MSRA: variants seen among roughly 807,000 people sequenced by gnomAD.
The protein encoded by MSRA is mitochondrial peptide methionine sulfoxide reductase.
Under a neutral mutation model 31.3 loss-of-function variants are expected in MSRA, and 54 were observed. The ratio of observed to expected loss-of-function variants is 1.73; its 90% CI spans 1.39 to 2.17. MSRA has a LOEUF of 2.17. Ranked by LOEUF, MSRA falls within the 30% of genes most tolerant of loss-of-function variation. The probability of loss-of-function intolerance (pLI) is 0.00; values close to 1 mark genes in which losing one functional copy is unlikely to be tolerated. For synonymous variants in MSRA, 169 were observed against 116.5 expected (o/e 1.45, Z -2.90); for missense variants, 507 against 300.9 (o/e 1.69, Z -5.07).
intron 5 of MSRA, among the ~76,000 whole-genome samples, chr8:10,380,945 A>G (rs1806032206): frequency 6.6e-6 from 1 of 151,590 alleles, no homozygotes; most frequent in Admixed American, 6.6e-5. Flanking sequence ...GGTGGGAGGG[A>G]GGCATGGATA....
intron 1 of MSRA, among the ~76,000 whole-genome samples, chr8:10,088,965 G>T (rs1414593128): frequency 6.6e-6 from 1 of 152,156 alleles, no homozygotes; most frequent in Non-Finnish European, 1.5e-5. Context: ...AGAGAATAAA[G>T]CAGTGGTTTC....
intron 1 of MSRA, among the ~76,000 whole-genome samples, chr8:10,173,988 T>C (rs1805824571): frequency 6.6e-6 from 1 of 152,112 alleles, no homozygotes; most frequent in Non-Finnish European, 1.5e-5. Context: ...TGGGCAGATT[T>C]CTAAGACAAG....
chr8:10,184,916 G>C (rs1806885675), intron 1 of MSRA, among the ~76,000 whole-genome samples: 1 of 152,204 alleles, frequency 6.6e-6, no homozygotes, highest in African/African-American at 2.4e-5. Flanking sequence ...AAGAAATCAA[G>C]GGTGAACAAA....
At chr8:10,386,584 C>T (rs529203906) in intron 5 of MSRA, among the ~76,000 whole-genome samples, 3 of 152,246 alleles carry the variant, frequency 2.0e-5, no homozygotes, top group African/African-American at 4.8e-5. Flanking sequence ...TTGCAAGCGC[C>T]GTCAGAGCTT....
chr8:10,374,634 C>T (rs777099100), intron 5 of MSRA, among the ~76,000 whole-genome samples: 13 of 152,344 alleles, frequency 8.5e-5, no homozygotes, highest in Admixed American at 2.6e-4. Flanking sequence ...CAGGTCTTTG[C>T]TATGAACCAT....
At chr8:10,386,212 G>C (rs1016445299) in intron 5 of MSRA, among the ~76,000 whole-genome samples, 1 of 152,138 alleles carries the variant, frequency 6.6e-6, no homozygotes, top group Non-Finnish European at 1.5e-5. Context: ...GCTGGACCTC[G>C]GAGAGGGGAA....
Position 10,319,976 on chromosome 8 carries a change from A to C in MSRA, c.530A>C (p.Glu177Ala), listed in dbSNP as rs778018040. 6.3e-7 allele frequency: 1 copy of C among 1,598,494 alleles called. No homozygotes were observed. The highest frequency in any genetic ancestry group is 1.7e-5 in the Admixed American group (1 of 57,986). ...ATGGAGGCAGCCCTGAGCTCCAAAG[A>C]GAACTACCAAAAGGTAGGGATTGCT... ...KQMEAALSSK[E>A]NYQKVLSEHG... Residue 177 changes from glutamate to alanine, a missense_variant, in exon 5 of 6, where the codon GAG becomes GCG. Physicochemically the swap from Glu to Ala is moderately radical, Grantham distance 107. Coordinates refer to ENST00000317173, the MANE Select transcript of MSRA (RefSeq NM_012331.5).
chr8:10,054,430 C>T lies in MSRA; in HGVS notation c.-87C>T. On this transcript the variant is annotated 5_prime_UTR_variant, in exon 1 of 6. Coordinates refer to ENST00000317173, the MANE Select transcript of MSRA (RefSeq NM_012331.5). ...GCCCCTGCCGCCCCCCGGTTCCGGC[C>T]GCGGACCCCACTCTCTGCCGTTCCG... 7.7e-7 allele frequency: 1 copy of T among 1,298,812 alleles called. No homozygotes were observed. The highest frequency in any genetic ancestry group is 1.0e-6 in the Non-Finnish European group (1 of 1,003,002). 80.5% of individuals were successfully genotyped at this position (1,298,812 alleles called of 1,614,324 possible).
intron 1 of MSRA, among the ~76,000 whole-genome samples, chr8:10,093,458 T>C (rs1451722833): frequency 6.6e-6 from 1 of 152,192 alleles, no homozygotes; most frequent in Non-Finnish European, 1.5e-5. Context: ...CCTATATAGC[T>C]CTGTTCTATT....
At chr8:10,245,418 C>G (rs769803726) in intron 3 of MSRA, among the ~76,000 whole-genome samples, 195 bp downstream of exon 3, 8 of 152,160 alleles carry the variant, frequency 5.3e-5, no homozygotes, top group Non-Finnish European at 8.8e-5. Context: ...GTGGAGTGCA[C>G]CATTTAGCTT....
rs189486700 is a variant in MSRA at position 10,214,748 on chromosome 8, T to G, written c.211+6847T>G. 3.9e-5 allele frequency among the ~76,000 whole-genome samples: 6 copies of G among 152,308 alleles called. No individual in the cohort carries two copies. The East Asian group carries it at 5.8e-4, about 15-fold the overall frequency. On this transcript the variant is annotated intron_variant, in intron 2 of 5. Transcript: ENST00000317173. Reference sequence around the variant, plus strand: ...TTAAATGGTAGAACACTTGGAGAGATAAAAATAGGCCTTCCTCCCTGGGTA... The same window carrying G: ...TTAAATGGTAGAACACTTGGAGAGAGAAAAATAGGCCTTCCTCCCTGGGTA...
At chr8:10,138,494 G>C (rs1298960723) in intron 1 of MSRA, among the ~76,000 whole-genome samples, 1 of 152,136 alleles carries the variant, frequency 6.6e-6, no homozygotes, top group Non-Finnish European at 1.5e-5. Flanking sequence ...CCTTTGCCAG[G>C]ATAAGAAATA....
At chr8:10,399,556 G>C (rs1807313229) in intron 5 of MSRA, among the ~76,000 whole-genome samples, 1 of 152,162 alleles carries the variant, frequency 6.6e-6, no homozygotes, top group Non-Finnish European at 1.5e-5. Context: ...AACCCCCTGA[G>C]GCCTCACCAG....
intron 5 of MSRA, among the ~76,000 whole-genome samples, chr8:10,385,870 C>T (rs950505244): frequency 1.1e-4 from 16 of 151,934 alleles, no homozygotes; most frequent in Admixed American, 2.6e-4. Flanking sequence ...TGGAGAGAGC[C>T]CAGGAAGAGG....
chr8:10,174,060 A>G (rs530104078), intron 1 of MSRA, among the ~76,000 whole-genome samples: 1 of 152,242 alleles, frequency 6.6e-6, no homozygotes, highest in African/African-American at 2.4e-5. Context: ...GCTGATGGCA[A>G]AGTATTAGTG....
intron 1 of MSRA, among the ~76,000 whole-genome samples, chr8:10,091,361 A>T (rs1191458045): frequency 1.3e-5 from 2 of 152,360 alleles, no homozygotes; most frequent in South Asian, 4.1e-4. Flanking sequence ...AATTATGTGC[A>T]TTGCCTCACA....
Position 10,250,575 on chromosome 8 carries a change from A to G in MSRA, c.331+5352A>G, listed in dbSNP as rs1030164125. 19 of 673,494 alleles carry G rather than the reference A, an allele frequency of 2.8e-5. No individual in the cohort carries two copies. In the African/African-American group the frequency reaches 3.2e-4, roughly 11 times the overall value. The allele number at this position is 673,494 out of a possible 1,614,324, so 41.7% of individuals were successfully genotyped here. A position where few individuals can be genotyped will look rare whatever the true frequency, so the allele number is the denominator to read the frequency against. On this transcript the variant is annotated intron_variant, in intron 3 of 5. Transcript: ENST00000317173. ...AGCACGGGAAATCTGAGGCCCAGAC[A>G]TTTCCTTATCAACAGAATACTCCGG...
rs531459289 is a variant in MSRA, at chr8:10,158,080, C to T, written c.143-49753C>T. On this transcript the variant is annotated intron_variant, in intron 1 of 5. Coordinates refer to ENST00000317173, the MANE Select transcript of MSRA (RefSeq NM_012331.5). ...CACACTTCCTGCTTCATAGATGGCACCTTCTTACGGTGTCCTCACATGCTG... is the reference window on the plus strand; with the variant it reads ...CACACTTCCTGCTTCATAGATGGCATCTTCTTACGGTGTCCTCACATGCTG... Among the ~76,000 whole-genome samples the T allele has an allele frequency of 3.9e-5, 6 of 152,268 alleles. No homozygotes were observed. The East Asian group carries it at 5.8e-4, about 15-fold the overall frequency.
intron 1 of MSRA, among the ~76,000 whole-genome samples, chr8:10,118,975 G>T (rs1170089927): frequency 1.3e-5 from 2 of 152,296 alleles, no homozygotes; most frequent in East Asian, 1.9e-4. Flanking sequence ...CCCTCCAGAT[G>T]ATCTCAGCGT....
Sources: gnomAD v4.1 joint callset for allele counts (sites outside exome capture counted in the v4.1 genomes callset) on GRCh38, gnomAD v4.1.1 for gene constraint, MANE v1.5 for transcripts, NCBI Gene and HGNC (gene_info 2026-07-23, HGNC 2026-07-21) for gene names.